The following PDE10A variants were observed in gnomAD, a reference collection of about 807,000 sequenced individuals.
PDE10A encodes the protein cAMP and cAMP-inhibited cGMP 3',5'-cyclic phosphodiesterase 10A.
Under a neutral mutation model 97.7 loss-of-function variants are expected in PDE10A, and 39 were observed. The observed-to-expected ratio is 0.40, with a 90% confidence interval of 0.31 to 0.52. PDE10A has a LOEUF of 0.52. Ranked by LOEUF, PDE10A falls within the 20% of genes least tolerant of loss-of-function variation. The pLI is 0.56. For synonymous variants in PDE10A, 371 were observed against 376.8 expected (o/e 0.98, Z 0.18); for missense variants, 731 against 1,047.8 (o/e 0.70, Z 4.17).
At chr6:165,369,098 C>T (rs909430959) in intron 18 of PDE10A, among the ~76,000 whole-genome samples, 18 of 151,732 alleles carry the variant, frequency 1.2e-4, no homozygotes, top group Non-Finnish European at 2.5e-4. Flanking sequence ...TCATCAAAGA[C>T]CAAAAGTAGA....
intron 1 of PDE10A, among the ~76,000 whole-genome samples, chr6:165,912,905 T>A (rs1252266259): frequency 6.6e-6 from 1 of 152,200 alleles, no homozygotes; most frequent in African/African-American, 2.4e-5. Context: ...ATAAAGCAAC[T>A]ATCTCAAATA....
intron 2 of PDE10A, among the ~76,000 whole-genome samples, chr6:165,529,256 G>A (rs1782630846): frequency 6.6e-6 from 1 of 152,166 alleles, no homozygotes; most frequent in African/African-American, 2.4e-5. Flanking sequence ...ACTCCACAAC[G>A]AAGGTAAGGA....
upstream of PDE10A, among the ~76,000 whole-genome samples, chr6:165,664,666 G>C (rs1469793389): frequency 3.3e-5 from 5 of 152,192 alleles, no homozygotes; most frequent in Non-Finnish European, 7.3e-5. Context: ...CCGGCTTGAC[G>C]CTTCTCCAGC....
Position 165,388,008 on chromosome 6 carries a change from T to C in PDE10A, c.2610+290A>G, listed in dbSNP as rs1033386815. Among the ~76,000 whole-genome samples the C allele has an allele frequency of 7.9e-5, 12 of 152,246 alleles. No individual in the cohort carries two copies. The highest frequency in any genetic ancestry group is 2.7e-4 in the African/African-American group (11 of 41,466). On this transcript the variant is annotated intron_variant, in intron 17 of 21. Coordinates refer to ENST00000539869, the MANE Select transcript of PDE10A (RefSeq NM_001385079.1). This position sits in a 1 kb window ranked among gnomAD's most constrained non-coding sequence, Gnocchi z 4.0. Reference sequence around the variant, plus strand: ...AGAATATGATAATCTATATAATTAATTGATTTAAACTATGTAAAATAAGTA... The same window carrying C: ...AGAATATGATAATCTATATAATTAACTGATTTAAACTATGTAAAATAAGTA...
At chr6:165,416,903 CTGTT>C (rs1788357426) in intron 11 of PDE10A, among the ~76,000 whole-genome samples, 4 of 152,122 alleles carry the variant, frequency 2.6e-5, no homozygotes, top group Admixed American at 1.3e-4. Context: ...CAAGGATTGT[CTGTT>C]TTTTATATCT....
intron 1 of PDE10A, among the ~76,000 whole-genome samples, chr6:165,804,570 G>A (rs1026126140): frequency 6.6e-6 from 1 of 152,146 alleles, no homozygotes; most frequent in Admixed American, 6.5e-5. Flanking sequence ...TGAAGTGGCT[G>A]CAGGTTAGTT....
intron 1 of PDE10A, among the ~76,000 whole-genome samples, chr6:165,755,792 C>T (rs1050897328): frequency 6.6e-6 from 1 of 152,222 alleles, no homozygotes; most frequent in African/African-American, 2.4e-5. Flanking sequence ...ATCCAGTCCC[C>T]ACTCCCGGAG....
chr6:165,429,524 A>T (rs1463324708), intron 9 of PDE10A, among the ~76,000 whole-genome samples: 1 of 152,116 alleles, frequency 6.6e-6, no homozygotes, highest in Non-Finnish European at 1.5e-5. Flanking sequence ...ATAATTACTG[A>T]TGGGTAAACT....
At chr6:165,652,646 C>A (rs1789740404) in intron 1 of PDE10A, among the ~76,000 whole-genome samples, 1 of 152,218 alleles carries the variant, frequency 6.6e-6, no homozygotes, top group Non-Finnish European at 1.5e-5. Context: ...CATCCCTGGA[C>A]TGCAACTCTG....
At chr6:165,733,938 A>C (rs1438407597) in intron 1 of PDE10A, among the ~76,000 whole-genome samples, 2 of 152,128 alleles carry the variant, frequency 1.3e-5, no homozygotes. Flanking sequence ...CCTAGGATCC[A>C]AAATGTGACA....
At chr6:165,525,420 T>C (rs1782379691) in intron 2 of PDE10A, among the ~76,000 whole-genome samples, 1 of 152,084 alleles carries the variant, frequency 6.6e-6, no homozygotes. Context: ...AATGGCCTAC[T>C]ATGAGGAAGA....
intron 3 of PDE10A, among the ~76,000 whole-genome samples, chr6:165,462,105 A>AG (rs1226941988): frequency 6.6e-6 from 1 of 152,010 alleles, no homozygotes; most frequent in Non-Finnish European, 1.5e-5. Flanking sequence ...CTATTAAAAC[A>AG]GATAATGCCC....
intron 3 of PDE10A, among the ~76,000 whole-genome samples, chr6:165,469,727 T>C (rs1249514975): frequency 2.0e-5 from 3 of 152,210 alleles, no homozygotes; most frequent in East Asian, 1.9e-4. Flanking sequence ...AAATCCAAGA[T>C]GTCAGAATTT....
intron 10 of PDE10A, among the ~76,000 whole-genome samples, chr6:165,428,005 T>TA (rs200348093): frequency 3.9e-4 from 58 of 148,922 alleles, no homozygotes; most frequent in South Asian, 3.6e-3. Flanking sequence ...CTATGTTAAA[T>TA]AAAAAAAAAA....
intron 1 of PDE10A, among the ~76,000 whole-genome samples, chr6:165,559,383 A>C (rs956918769): frequency 6.6e-6 from 1 of 152,354 alleles, no homozygotes; most frequent in Admixed American, 6.5e-5. Context: ...TCCCAGGAAT[A>C]CTGAATCATA....
chr6:165,341,423 G>C (rs1781961018), intron 19 of PDE10A, among the ~76,000 whole-genome samples: 1 of 152,118 alleles, frequency 6.6e-6, no homozygotes, highest in Non-Finnish European at 1.5e-5. Context: ...CTAGAATATA[G>C]AAATCATATT....
At chr6:165,668,769 T>TAGGAAGGAAGGG (rs149688751) in intron 1 of PDE10A, among the ~76,000 whole-genome samples, 1 of 128,640 alleles carries the variant, frequency 7.8e-6, no homozygotes, top group African/African-American at 3.0e-5. Context: ...GGAAGGAAGG[T>TAGGAAGGAAGGG]AGGAAGGGAG....
intron 1 of PDE10A, among the ~76,000 whole-genome samples, chr6:165,670,769 G>A (rs1410105027): frequency 4.6e-5 from 7 of 152,124 alleles, no homozygotes; most frequent in Non-Finnish European, 1.5e-5. Context: ...TAAGATTCCT[G>A]GGGTCTTAAA....
At position 165,482,310 on chromosome 6, in the gene PDE10A, C is replaced by G; in HGVS notation, c.1023+5G>C. 1 of 1,586,942 alleles carries G rather than the reference C, an allele frequency of 6.3e-7. No homozygotes were observed. Among genetic ancestry groups the G allele is most frequent in the Non-Finnish European group, 8.7e-7 (1 of 1,155,552 alleles). On this transcript the variant is annotated splice_donor_5th_base_variant and intron_variant, in intron 3 of 21. Transcript: ENST00000539869. ...AGTAGTAGAAATAATATTCACATCACTTACCCTGCTGACTTCCTTAGGAGC... is the reference window on the plus strand; with the variant it reads ...AGTAGTAGAAATAATATTCACATCAGTTACCCTGCTGACTTCCTTAGGAGC...
Sources: allele counts gnomAD v4.1 joint callset (sites outside exome capture counted in the v4.1 genomes callset), GRCh38; gene constraint gnomAD v4.1.1; non-coding constraint Gnocchi (gnomAD v3.1); transcripts MANE v1.5; gene names NCBI Gene and HGNC (gene_info 2026-07-23, HGNC 2026-07-21).